The following ESRRG variants were observed in gnomAD, a reference collection of about 807,000 sequenced individuals.
ESRRG encodes estrogen related receptor gamma.
ESRRG carries 13 observed loss-of-function variants against 44.0 expected under a neutral mutation model. The observed-to-expected ratio is 0.30, with a 90% CI of 0.19 to 0.47. The LOEUF is 0.47. Among genes scored for constraint, ESRRG ranks in the 20% least tolerant of loss-of-function variants. The pLI, the probability that ESRRG is intolerant of heterozygous loss-of-function variation, is 1.00. For missense variants in ESRRG, 395 were observed against 580.6 expected (o/e 0.68, Z 3.29); for synonymous variants, 215 against 214.6 (o/e 1.00, Z -0.02).
intron 1 of ESRRG, among the ~76,000 whole-genome samples, chr1:217,056,149 G>A (rs914679628): frequency 6.6e-6 from 1 of 152,058 alleles, no homozygotes; most frequent in African/African-American, 2.4e-5. Context: ...GAGGCCCTTG[G>A]GAGTGGCCTT....
At chr1:217,005,493 C>T (rs977260263) in intron 1 of ESRRG, among the ~76,000 whole-genome samples, 2 of 152,106 alleles carry the variant, frequency 1.3e-5, no homozygotes, top group South Asian at 4.1e-4. Context: ...TCTAAAAGAA[C>T]AGGGAACTCT....
intron 3 of ESRRG, among the ~76,000 whole-genome samples, chr1:216,640,335 G>A (rs1352544531): frequency 5.9e-5 from 9 of 152,202 alleles, no homozygotes; most frequent in African/African-American, 1.2e-4. Flanking sequence ...TGGGGAAGCC[G>A]CTGACCTACT....
intron 2 of ESRRG, among the ~76,000 whole-genome samples, chr1:216,866,847 T>C (rs1371621827): frequency 6.6e-6 from 1 of 152,178 alleles, no homozygotes; most frequent in Non-Finnish European, 1.5e-5. Context: ...CTTTCATTTT[T>C]TGATGTGGGT....
In ESRRG at chr1:216,873,772, C is replaced by T. The variant is rs1462940734; in HGVS notation, c.-14+65810G>A. Among the ~76,000 whole-genome samples the T allele has an allele frequency of 2.0e-5, 3 of 150,996 alleles. No individual in the cohort carries two copies. In the East Asian group the frequency reaches 5.9e-4, roughly 30 times the overall value. ...CCACTGAAATGAGAAGAAGTCTCCT[C>T]TTCCTCAGACATCTGGCCCCTGTAG... On this transcript the variant is annotated intron_variant, in intron 2 of 7. Transcript: ENST00000359162.
intron 2 of ESRRG, among the ~76,000 whole-genome samples, chr1:216,931,120 T>A (rs1309392796): frequency 6.6e-6 from 1 of 152,184 alleles, no homozygotes; most frequent in African/African-American, 2.4e-5. Context: ...AAGGGGCACC[T>A]GTCACTGTCT....
At chr1:216,855,021 C>T (rs953731133) in intron 2 of ESRRG, 1 of 152,116 alleles carries the variant, frequency 6.6e-6, no homozygotes, top group South Asian at 2.1e-4. Context: ...GCCCGTGGAC[C>T]AACAGAAAGC....
chr1:217,110,718 C>T (rs1277250206), intron 1 of ESRRG, among the ~76,000 whole-genome samples: 7 of 152,136 alleles, frequency 4.6e-5, no homozygotes, highest in Admixed American at 2.6e-4. Flanking sequence ...ATAGCACCAA[C>T]GCATGAGGGA....
chr1:216,909,187 G>T (rs184669279), intron 2 of ESRRG, among the ~76,000 whole-genome samples: 1 of 152,158 alleles, frequency 6.6e-6, no homozygotes, highest in Non-Finnish European at 1.5e-5. Flanking sequence ...TATTTCACTG[G>T]GTGCCTTCAA....
rs1314639568 is a variant in ESRRG at position 216,506,659 on chromosome 1, G to A, written c.*280C>T. ...AGAATGGGAACTAGGAATGAAAGAA[G>A]CAAAGAAATAAGGGAGGTGAAAGAA... On this transcript the variant is annotated 3_prime_UTR_variant, in exon 7 of 7. Coordinates refer to ENST00000408911, the MANE Select transcript of ESRRG (RefSeq NM_001438.4). 3.8e-6 allele frequency: 2 copies of A among 531,800 alleles called. No homozygotes were observed. Among genetic ancestry groups the A allele is most frequent in the East Asian group, 4.6e-5 (1 of 21,950 alleles). The allele number at this position is 531,800 out of a possible 1,614,324, so 32.9% of individuals were successfully genotyped here.
chr1:216,851,651 G>C (rs1018642130), intron 2 of ESRRG, among the ~76,000 whole-genome samples: 3 of 152,136 alleles, frequency 2.0e-5, no homozygotes, highest in Non-Finnish European at 4.4e-5. Context: ...TCAGCCTCCA[G>C]AACTGTAAGA....
chr1:216,915,702 G>A (rs1163506316), intron 2 of ESRRG, among the ~76,000 whole-genome samples: 1 of 152,190 alleles, frequency 6.6e-6, no homozygotes, highest in African/African-American at 2.4e-5. Context: ...ACAGTCTCCC[G>A]AGGAAGACTG....
Position 217,065,101 on chromosome 1 carries a change from C to T in ESRRG, c.-106+24406G>A, listed in dbSNP as rs189872453. ...GAAAAAGGCAGAGGTGTTTCAACTG[C>T]TACTAGAAAGATAAATAGCCTAGGA... On this transcript the variant is annotated intron_variant, in intron 1 of 7. Coordinates refer to the ESRRG transcript ENST00000359162. Among the ~76,000 whole-genome samples, 164 of 152,322 alleles carry T rather than the reference C, an allele frequency of 1.1e-3. 2 individuals are homozygous for T. The highest frequency in any genetic ancestry group is 3.8e-3 in the African/African-American group (159 of 41,580).
In ESRRG at chr1:216,880,238, C is replaced by T. The variant is rs143280299; in HGVS notation, c.-14+59344G>A. 7.2e-3 allele frequency among the ~76,000 whole-genome samples: 918 copies of T among 127,764 alleles called. 9 individuals carry two copies. Among genetic ancestry groups the T allele is most frequent in the Middle Eastern group, 0.061 (11 of 180 alleles). 83.8% of individuals were successfully genotyped at this position (127,764 alleles called of 152,430 possible). A position where few individuals can be genotyped will look rare whatever the true frequency, so the allele number is the denominator to read the frequency against. On this transcript the variant is annotated intron_variant, in intron 2 of 7. Coordinates refer to the ESRRG transcript ENST00000359162. ...AGGAGAATTGCTTGAACCCAGGAGG[C>T]AGAGGTTGCAGTGTGCCAAGATTGT...
chr1:216,542,790 C>T (rs921544103), intron 5 of ESRRG, among the ~76,000 whole-genome samples: 1 of 151,928 alleles, frequency 6.6e-6, no homozygotes, highest in Admixed American at 6.6e-5. Flanking sequence ...AGCTCTTGGT[C>T]CACACTTTGC....
At chr1:216,573,265 T>A (rs1271446103) in intron 3 of ESRRG, among the ~76,000 whole-genome samples, 2 of 151,980 alleles carry the variant, frequency 1.3e-5, no homozygotes, top group Admixed American at 1.3e-4. Flanking sequence ...ATGCAAAGAA[T>A]ATGTCAAAGC....
chr1:216,783,379 A>G (rs1396277698), intron 2 of ESRRG, among the ~76,000 whole-genome samples: 1 of 152,084 alleles, frequency 6.6e-6, no homozygotes, highest in Non-Finnish European at 1.5e-5. Flanking sequence ...GCATTAATAT[A>G]CATAGCAACA....
chr1:216,653,987 G>A (rs956170562), intron 2 of ESRRG, among the ~76,000 whole-genome samples: 9 of 151,346 alleles, frequency 5.9e-5, no homozygotes, highest in South Asian at 2.1e-4. Flanking sequence ...GCCAGGCATA[G>A]TGGTGTGAAC....
At chr1:216,707,587 T>C in intron 1 of ESRRG, 1 of 1,212,496 alleles carries the variant, frequency 8.2e-7, no homozygotes, top group Middle Eastern at 2.0e-4. Flanking sequence ...TTATGAAGAC[T>C]GACTCCTTTT....
chr1:216,694,317 G>A (rs1038818894), intron 1 of ESRRG, among the ~76,000 whole-genome samples: 1 of 152,166 alleles, frequency 6.6e-6, no homozygotes, highest in Non-Finnish European at 1.5e-5. Context: ...AAAGCAGGGA[G>A]TAGTCTCAGA....
Sources: allele counts gnomAD v4.1 joint callset (sites outside exome capture counted in the v4.1 genomes callset), GRCh38; gene constraint gnomAD v4.1.1; transcripts MANE v1.5; gene names NCBI Gene and HGNC (gene_info 2026-07-23, HGNC 2026-07-21).